ALK: variants seen among roughly 807,000 people sequenced by gnomAD.
ALK encodes ALK receptor tyrosine kinase, also known as ALK tyrosine kinase receptor.
ALK carries 74 observed loss-of-function variants against 163.1 expected under a neutral mutation model. The ratio of observed to expected loss-of-function variants is 0.45; its 90% CI spans 0.38 to 0.55. The LOEUF (loss-of-function observed/expected upper bound fraction) is 0.55. Among genes scored for constraint, ALK ranks in the 20% least tolerant of loss-of-function variants. The probability of loss-of-function intolerance (pLI) is 0.00; values close to 1 mark genes in which losing one functional copy is unlikely to be tolerated. For synonymous variants in ALK, 960 were observed against 843.2 expected (o/e 1.14, Z -2.40); for missense variants, 2,063 against 2,105.3 (o/e 0.98, Z 0.39).
intron 4 of ALK, among the ~76,000 whole-genome samples, chr2:29,464,320 AG>A (rs1671154688): frequency 6.6e-6 from 1 of 152,190 alleles, no homozygotes; most frequent in Non-Finnish European, 1.5e-5. Context: ...AATATAAAGC[AG>A]GGGGCCAAAA....
At chr2:29,230,286 CA>C (rs1350081655) in intron 15 of ALK, among the ~76,000 whole-genome samples, 2 of 91,660 alleles carry the variant, frequency 2.2e-5, no homozygotes, top group African/African-American at 3.5e-5. Flanking sequence ...AAGACACAAT[CA>C]TCTTTTTTTT....
chr2:29,463,119 T>C (rs1252184414), intron 4 of ALK, among the ~76,000 whole-genome samples: 1 of 152,154 alleles, frequency 6.6e-6, no homozygotes, highest in Admixed American at 6.5e-5. Flanking sequence ...ATGCTAACAA[T>C]AATAAACCAA....
At position 29,813,427 on chromosome 2, in the gene ALK, TGGA is replaced by T. The variant is rs539836505; in HGVS notation, c.668-95733_668-95731del. On this transcript the variant is annotated intron_variant, in intron 1 of 28. Transcript: ENST00000389048. ...GGTTTGAGGGGAATTAGGGAGTGGA[TGGA>T]GGAGGAGGAGGAGGGAAAGCAGGCT... Among the ~76,000 whole-genome samples, 795 of 151,870 alleles carry T rather than the reference TGGA, an allele frequency of 5.2e-3. 3 individuals carry two copies. Among genetic ancestry groups the T allele is most frequent in the South Asian group, 0.01 (49 of 4,798 alleles).
chr2:29,908,821 T>A (rs1388798158), intron 1 of ALK, among the ~76,000 whole-genome samples: 2 of 152,248 alleles, frequency 1.3e-5, no homozygotes, highest in African/African-American at 4.8e-5. Flanking sequence ...TGTTTAGCAT[T>A]CAAGTGCTGC....
At chr2:29,305,108 C>T (rs1480047374) in intron 8 of ALK, among the ~76,000 whole-genome samples, 2 of 152,182 alleles carry the variant, frequency 1.3e-5, no homozygotes, top group Non-Finnish European at 2.9e-5. Context: ...CTGACCCTCT[C>T]AGTGAGGGGT....
At chr2:29,492,508 G>A (rs897141425) in intron 4 of ALK, among the ~76,000 whole-genome samples, 1 of 152,120 alleles carries the variant, frequency 6.6e-6, no homozygotes, top group African/African-American at 2.4e-5. Flanking sequence ...ACTCCATATC[G>A]TCCCACACTG....
rs575842141 is a variant in ALK at position 29,620,033 on chromosome 2, G to T, written c.952+74817C>A. 2.0e-5 allele frequency among the ~76,000 whole-genome samples: 3 copies of T among 152,338 alleles called. No individual in the cohort carries two copies. The East Asian group carries it at 5.8e-4, about 29-fold the overall frequency. On this transcript the variant is annotated intron_variant, in intron 3 of 28. Transcript: ENST00000389048. The stretch of plus-strand genomic sequence containing the variant: ...TTCATTACTTGGCTCTCCAGTAGAC[G>T]TTCCAGCCTTGGACCAATGACCCCT...
At chr2:29,829,443 T>G (rs1440972957) in intron 1 of ALK, among the ~76,000 whole-genome samples, 1 of 152,138 alleles carries the variant, frequency 6.6e-6, no homozygotes, top group Non-Finnish European at 1.5e-5. Context: ...TGAGATGCAG[T>G]CTCCAGGTGG....
chr2:29,595,156 A>T (rs1315798528), intron 3 of ALK, among the ~76,000 whole-genome samples: 1 of 152,088 alleles, frequency 6.6e-6, no homozygotes, highest in East Asian at 1.9e-4. Flanking sequence ...TTAATATCTC[A>T]ATATTAGGAA....
At chr2:29,386,302 T>C (rs2148303698) in intron 4 of ALK, among the ~76,000 whole-genome samples, 1 of 152,356 alleles carries the variant, frequency 6.6e-6, no homozygotes, top group African/African-American at 2.4e-5. Context: ...GCTGTAAAGT[T>C]TGTTCTCTGT....
chr2:29,731,945 T>G (rs2148318045), intron 1 of ALK, among the ~76,000 whole-genome samples: 1 of 152,342 alleles, frequency 6.6e-6, no homozygotes, highest in South Asian at 2.1e-4. Context: ...TATTAATTTC[T>G]CATACTCAGC....
At chr2:29,843,415 C>G (rs1349894303) in intron 1 of ALK, among the ~76,000 whole-genome samples, 1 of 151,804 alleles carries the variant, frequency 6.6e-6, no homozygotes, top group Non-Finnish European at 1.5e-5. Flanking sequence ...ACCTGTGCAA[C>G]TGCTGGAAGA....
intron 3 of ALK, among the ~76,000 whole-genome samples, chr2:29,579,312 G>A (rs6713380): frequency 0.15 from 22,772 of 152,012 alleles, 1,929 homozygotes; most frequent in East Asian, 0.28. Context: ...CTTTAAAGAT[G>A]AACTTATTCC....
Position 29,228,865 on chromosome 2 carries a change from G to C in ALK, c.2815+19C>G. ...CTAAGCAGGGAGGGAGTGACACCTTGAACACGAATCATCTTTACCTATATA... is the reference window on the plus strand; with the variant it reads ...CTAAGCAGGGAGGGAGTGACACCTTCAACACGAATCATCTTTACCTATATA... On this transcript the variant is annotated intron_variant, in intron 16 of 28. Coordinates refer to ENST00000389048, the MANE Select transcript of ALK (RefSeq NM_004304.5). The C allele has an allele frequency of 6.5e-7, 1 of 1,546,664 alleles. No homozygotes were observed. The highest frequency in any genetic ancestry group is 8.9e-7 in the Non-Finnish European group (1 of 1,118,662).
intron 1 of ALK, among the ~76,000 whole-genome samples, chr2:29,750,943 G>A (rs1009450014): frequency 2.0e-5 from 3 of 152,034 alleles, no homozygotes; most frequent in South Asian, 2.1e-4. Context: ...GGTGGCCTGC[G>A]CCAGTAGTCC....
At chr2:29,763,744 G>C (rs117043094) in intron 1 of ALK, among the ~76,000 whole-genome samples, 1 of 152,120 alleles carries the variant, frequency 6.6e-6, no homozygotes, top group South Asian at 2.1e-4. Flanking sequence ...GTTATGATTT[G>C]TCTGAGGCCC....
intron 3 of ALK, among the ~76,000 whole-genome samples, chr2:29,601,844 G>A (rs915637322): frequency 2.0e-5 from 3 of 152,070 alleles, no homozygotes; most frequent in East Asian, 3.9e-4. Context: ...CTCAGAGGCC[G>A]AAGCTCATTG....
chr2:29,835,788 G>C (rs896104746), intron 1 of ALK, among the ~76,000 whole-genome samples: 1 of 152,116 alleles, frequency 6.6e-6, no homozygotes, highest in Admixed American at 6.5e-5. Context: ...AACCCCCTTT[G>C]CCTGGCTCTC....
chr2:29,677,404 T>C (rs78416495), intron 3 of ALK, among the ~76,000 whole-genome samples: 143 of 152,044 alleles, frequency 9.4e-4, no homozygotes, highest in African/African-American at 3.4e-3. Context: ...TTATGTTGTT[T>C]GTTAGGTATG....
Sources: gnomAD v4.1 joint callset for allele counts (sites outside exome capture counted in the v4.1 genomes callset) on GRCh38, gnomAD v4.1.1 for gene constraint, MANE v1.5 for transcripts, NCBI Gene and HGNC (gene_info 2026-07-23, HGNC 2026-07-21) for gene names.